MINDY4: variants seen among roughly 807,000 people sequenced by gnomAD.
The protein encoded by MINDY4 is probable ubiquitin carboxyl-terminal hydrolase MINDY-4.
MINDY4 carries 68 observed loss-of-function variants against 87.0 expected under a neutral mutation model. The observed-to-expected ratio is 0.78, with a 90% CI of 0.64 to 0.96. The LOEUF is 0.96. Ranked by LOEUF, MINDY4 falls within the 40% of genes least tolerant of loss-of-function variation. The pLI, the probability that MINDY4 is intolerant of heterozygous loss-of-function variation, is 0.00. For synonymous variants in MINDY4, 379 were observed against 363.2 expected (o/e 1.04, Z -0.50); for missense variants, 919 against 928.2 (o/e 0.99, Z 0.13).
rs923549850 is a variant in MINDY4 at position 30,771,539 on chromosome 7, G to C, written c.46G>C (p.Glu16Gln). Residue 16 changes from glutamate to glutamine, a missense_variant, in exon 1 of 18, where the codon GAG (glutamate) becomes CAG (glutamine). Transcript: ENST00000265299. Reference sequence around the variant, plus strand: ...GGAGGTGGCCGCCTCCTTGGTCAGGGAGTTCCTCAGCAGAAAGGTAACGGC... The same window carrying C: ...GGAGGTGGCCGCCTCCTTGGTCAGGCAGTTCCTCAGCAGAAAGGTAACGGC... The part of the protein sequence containing the change: ...VEEVAASLVR[E>Q]FLSRKGLKKT... 1.9e-6 allele frequency: 3 copies of C among 1,602,372 alleles called. No homozygotes were observed. The African/African-American group carries it at 4.0e-5, about 21-fold the overall frequency.
chr7:30,838,320 G>T (rs896136171), intron 7 of MINDY4, among the ~76,000 whole-genome samples: 2 of 152,176 alleles, frequency 1.3e-5, no homozygotes, highest in Non-Finnish European at 2.9e-5. Flanking sequence ...TAGAGGGGCT[G>T]CCTTGAGAGG....
chr7:30,843,974 A>G (rs1789122026), intron 9 of MINDY4, among the ~76,000 whole-genome samples: 1 of 152,114 alleles, frequency 6.6e-6, no homozygotes, highest in African/African-American at 2.4e-5. Context: ...CAGCTGGGAG[A>G]GCACGGCCTG....
chr7:30,859,878 CTG>C (rs941558848), intron 13 of MINDY4, among the ~76,000 whole-genome samples: 1 of 152,172 alleles, frequency 6.6e-6, no homozygotes, highest in African/African-American at 2.4e-5. Flanking sequence ...TATGCTGACT[CTG>C]TATCAGGTGG....
At chr7:30,818,911 G>A (rs771478570) in intron 5 of MINDY4, among the ~76,000 whole-genome samples, 1 of 152,062 alleles carries the variant, frequency 6.6e-6, no homozygotes, top group Non-Finnish European at 1.5e-5. Flanking sequence ...TATTGATAAT[G>A]TTTAGTTTTA....
intron 5 of MINDY4, among the ~76,000 whole-genome samples, chr7:30,806,623 C>T (rs1248471806): frequency 1.3e-5 from 2 of 152,260 alleles, no homozygotes; most frequent in Non-Finnish European, 2.9e-5. Context: ...GAGCCATGGC[C>T]AGGGCTCCTG....
chr7:30,858,652 A>AATATAT (rs72375768), intron 12 of MINDY4: 2 of 73,962 alleles, frequency 2.7e-5, no homozygotes, highest in African/African-American at 1.6e-4. Flanking sequence ...ATGTTTTAAA[A>AATATAT]ATATATATAT....
chr7:30,791,720 T>C, intron 5 of MINDY4, 146 bp downstream of exon 5: 1 of 885,310 alleles, frequency 1.1e-6, no homozygotes, highest in Non-Finnish European at 1.7e-6. Flanking sequence ...AAGGTAGAGT[T>C]TGTTATGGTC....
At chr7:30,786,860 A>G (rs1371038692) in intron 4 of MINDY4, among the ~76,000 whole-genome samples, 1 of 152,200 alleles carries the variant, frequency 6.6e-6, no homozygotes, top group African/African-American at 2.4e-5. Flanking sequence ...ATGAGAGACA[A>G]ATGTAAAAGA....
At chr7:30,779,569 T>C (rs534924147) in intron 2 of MINDY4, 2 of 152,354 alleles carry the variant, frequency 1.3e-5, no homozygotes, top group African/African-American at 4.8e-5. Flanking sequence ...GAAAATGCCC[T>C]ATTTGAAGTG....
chr7:30,837,326 G>T lies in MINDY4; in HGVS notation c.1239+562G>T, dbSNP rs561812646. On this transcript the variant is annotated intron_variant, in intron 7 of 17. Transcript: ENST00000265299. The stretch of plus-strand genomic sequence containing the variant: ...ACCAGGGTGGCCTCACCACTCCCGT[G>T]ACCAGAGGCTCCTGCAGGATGGAAT... 4.2e-3 allele frequency among the ~76,000 whole-genome samples: 640 copies of T among 152,246 alleles called. 5 individuals are homozygous for T. The highest frequency in any genetic ancestry group is 7.2e-3 in the Non-Finnish European group (487 of 68,010).
chr7:30,798,525 C>T (rs1470901828), intron 5 of MINDY4, among the ~76,000 whole-genome samples: 1 of 151,990 alleles, frequency 6.6e-6, no homozygotes, highest in Non-Finnish European at 1.5e-5. Flanking sequence ...GAGACAGAGT[C>T]TCGCTGTGTC....
intron 9 of MINDY4, among the ~76,000 whole-genome samples, chr7:30,842,338 G>A (rs1789067157): frequency 6.6e-6 from 1 of 152,184 alleles, no homozygotes. Flanking sequence ...AAAGGGCTGG[G>A]AGGTTTGAAT....
chr7:30,772,757 G>C (rs1786682557), intron 1 of MINDY4, among the ~76,000 whole-genome samples: 1 of 152,122 alleles, frequency 6.6e-6, no homozygotes, highest in Admixed American at 6.5e-5. Flanking sequence ...GCCATCACCT[G>C]TCCTGGCTGC....
chr7:30,891,130 T>A (rs906166621), intron 17 of MINDY4, among the ~76,000 whole-genome samples: 7 of 152,208 alleles, frequency 4.6e-5, no homozygotes, highest in Non-Finnish European at 4.4e-5. Context: ...GTAGAACTGC[T>A]GTGAGATATT....
chr7:30,855,407 G>C (rs1789539803), intron 12 of MINDY4, among the ~76,000 whole-genome samples: 1 of 152,238 alleles, frequency 6.6e-6, no homozygotes, highest in Non-Finnish European at 1.5e-5. Flanking sequence ...AGCAGAGCCT[G>C]ATGGCATCCG....
chr7:30,859,368 G>C (rs763329360), intron 13 of MINDY4, 44 bp downstream of exon 13: 2 of 1,582,380 alleles, frequency 1.3e-6, no homozygotes, highest in South Asian at 1.1e-5. Flanking sequence ...GGGCTGGTCT[G>C]TCTTGTTCAC....
intron 13 of MINDY4, among the ~76,000 whole-genome samples, chr7:30,862,964 G>A (rs559611092): frequency 2.0e-5 from 3 of 152,186 alleles, no homozygotes; most frequent in South Asian, 2.1e-4. Flanking sequence ...TGATTAGAGC[G>A]GCAGAGGTGG....
At position 30,859,284 on chromosome 7, in the gene MINDY4, C is replaced by T. The variant is rs573621506; in HGVS notation, c.1705C>T (p.Leu569=). The change falls in exon 13 of 18, where the codon CTG becomes TTG. Residue 569 remains leucine (L), a synonymous_variant. Coordinates refer to ENST00000265299, the MANE Select transcript of MINDY4 (RefSeq NM_032222.3). ...QFEVGPYGCI[L]LTLSAILSRS... ...TGAAGTGGGCCCCTATGGCTGCATC[C>T]TGCTCACCCTTTCTGCCATCCTGTC... 8 of 1,614,156 alleles carry T rather than the reference C, an allele frequency of 5.0e-6. No homozygotes were observed. In the African/African-American group the frequency reaches 9.3e-5, roughly 19 times the overall value.
At chr7:30,810,193 A>G (rs918388609) in intron 5 of MINDY4, among the ~76,000 whole-genome samples, 6 of 151,246 alleles carry the variant, frequency 4.0e-5, no homozygotes, top group South Asian at 2.1e-4. Flanking sequence ...AAAAAAAAAA[A>G]AAAAGAAATG....
Sources: allele counts gnomAD v4.1 joint callset (sites outside exome capture counted in the v4.1 genomes callset), GRCh38; gene constraint gnomAD v4.1.1; transcripts MANE v1.5; gene names NCBI Gene and HGNC (gene_info 2026-07-23, HGNC 2026-07-21).